RBFOX1: variants seen among roughly 807,000 people sequenced by gnomAD.
RBFOX1 encodes the protein RNA binding protein fox-1 homolog 1.
RBFOX1 carries 8 observed loss-of-function variants against 57.7 expected under a neutral mutation model. The observed-to-expected ratio is 0.14, with a 90% confidence interval of 0.08 to 0.25. The LOEUF is 0.25. Ranked by LOEUF, RBFOX1 falls within the 10% of genes least tolerant of loss-of-function variation. The pLI is 1.00. For synonymous variants in RBFOX1, 326 were observed against 222.4 expected, an observed-to-expected ratio of 1.47 and a Z score of -4.15; for missense variants, 611 against 548.5, an observed-to-expected ratio of 1.11 and a Z score of -1.14.
intron 3 of RBFOX1, among the ~76,000 whole-genome samples, chr16:6,731,647 C>T (rs537168530): frequency 6.6e-6 from 1 of 152,094 alleles, no homozygotes; most frequent in Non-Finnish European, 1.5e-5. Context: ...CCCCAGCTCC[C>T]TCACTCCATG....
chr16:5,865,691 C>A (rs560364405), intron 3 of RBFOX1, among the ~76,000 whole-genome samples: 1 of 152,148 alleles, frequency 6.6e-6, no homozygotes, highest in East Asian at 1.9e-4. Context: ...CATTTGTGAG[C>A]TGGTATTGGT....
chr16:5,479,028 C>T (rs1010776707), intron 2 of RBFOX1, among the ~76,000 whole-genome samples: 8 of 152,196 alleles, frequency 5.3e-5, no homozygotes, highest in Non-Finnish European at 8.8e-5. Flanking sequence ...AATTTCCTCA[C>T]AAATTATCTT....
chr16:5,430,755 T>C (rs1025938190), intron 1 of RBFOX1, among the ~76,000 whole-genome samples: 1 of 152,322 alleles, frequency 6.6e-6, no homozygotes. Flanking sequence ...ATTGTAGTAA[T>C]ATAAGTATTT....
At chr16:6,649,972 T>C (rs979223990) in intron 2 of RBFOX1, among the ~76,000 whole-genome samples, 1 of 152,194 alleles carries the variant, frequency 6.6e-6, no homozygotes, top group Non-Finnish European at 1.5e-5. Flanking sequence ...GCTATAAAAG[T>C]GGGGTATTCA....
intron 2 of RBFOX1, among the ~76,000 whole-genome samples, chr16:5,484,027 T>C (rs1396101402): frequency 6.6e-6 from 1 of 152,204 alleles, no homozygotes; most frequent in East Asian, 1.9e-4. Context: ...AATAAACAGC[T>C]GGGCATGGTG....
chr16:5,908,209 T>TATATATACATATATATGCAC (rs1567133880), intron 4 of RBFOX1, among the ~76,000 whole-genome samples: 16 of 139,738 alleles, frequency 1.1e-4, no homozygotes, highest in Admixed American at 6.6e-4. Flanking sequence ...TATACACACA[T>TATATATACATATATATGCAC]ATATATACAT....
chr16:6,802,228 A>G (rs567309220), intron 3 of RBFOX1, among the ~76,000 whole-genome samples: 1 of 152,164 alleles, frequency 6.6e-6, no homozygotes, highest in Admixed American at 6.5e-5. Context: ...AGCTTTTATT[A>G]TTTAACTTAA....
rs118073136 is a variant in RBFOX1, at chr16:6,922,344, G to A, written c.-15-129713G>A. 1.7e-3 allele frequency among the ~76,000 whole-genome samples: 260 copies of A among 152,184 alleles called. 5 individuals carry two copies. In the East Asian group the frequency reaches 0.044, roughly 26 times the overall value. ...GTGTCCGGTGGTAATGGCAAGTTTC[G>A]CATGCTGCAGCCCCTTGCAAGCCCA... On this transcript the variant is annotated intron_variant, in intron 3 of 15. Transcript: ENST00000550418.
Position 7,678,463 on chromosome 16 carries a change from A to G in RBFOX1, c.995+1625A>G, listed in dbSNP as rs372007475. Among the ~76,000 whole-genome samples, 6 of 152,286 alleles carry G rather than the reference A, an allele frequency of 3.9e-5. No homozygotes were observed. The South Asian group carries it at 6.2e-4, about 16-fold the overall frequency. On this transcript the variant is annotated intron_variant, in intron 14 of 15. Transcript: ENST00000550418. The stretch of plus-strand genomic sequence containing the variant: ...TAATGTGGTTCAGCTGCAACCCTTA[A>G]TTATTTTTTATGAAAATATCTCTAG...
At chr16:7,090,958 G>A (rs1204781980) in intron 4 of RBFOX1, among the ~76,000 whole-genome samples, 1 of 152,144 alleles carries the variant, frequency 6.6e-6, no homozygotes, top group Admixed American at 6.6e-5. Context: ...AGGTTCTTTG[G>A]AATACAATTG....
chr16:7,130,784 C>T (rs1045434260), intron 4 of RBFOX1, among the ~76,000 whole-genome samples: 1 of 152,106 alleles, frequency 6.6e-6, no homozygotes, highest in African/African-American at 2.4e-5. Context: ...CAACGCATTT[C>T]TTTTAAAAAA....
intron 4 of RBFOX1, among the ~76,000 whole-genome samples, chr16:7,221,968 C>T (rs929645922): frequency 3.9e-5 from 6 of 152,182 alleles, no homozygotes; most frequent in Admixed American, 1.3e-4. Context: ...TGGTCTGCTT[C>T]TGTGATAGAA....
chr16:5,977,045 C>T (rs933148460), intron 4 of RBFOX1, among the ~76,000 whole-genome samples: 4 of 152,038 alleles, frequency 2.6e-5, no homozygotes, highest in African/African-American at 9.7e-5. Context: ...AGATCACAGA[C>T]ACAGGGCATC....
At chr16:6,924,489 C>A (rs1597367858) in intron 3 of RBFOX1, among the ~76,000 whole-genome samples, 1 of 152,060 alleles carries the variant, frequency 6.6e-6, no homozygotes, top group African/African-American at 2.4e-5. Flanking sequence ...AAGCCACCCC[C>A]ATAACTCAAA....
chr16:7,483,653 C>T (rs1044531273), intron 4 of RBFOX1, among the ~76,000 whole-genome samples: 1 of 152,054 alleles, frequency 6.6e-6, no homozygotes, highest in Non-Finnish European at 1.5e-5. Context: ...GCTTATTTAT[C>T]TTATAGGTTG....
intron 1 of RBFOX1, among the ~76,000 whole-genome samples, chr16:6,100,807 G>T (rs1013855780): frequency 1.3e-5 from 2 of 152,140 alleles, no homozygotes; most frequent in Non-Finnish European, 2.9e-5. Context: ...TTTGAACCCT[G>T]GGTGGCCTGA....
At chr16:5,672,295 TA>T (rs1464251779) in intron 3 of RBFOX1, among the ~76,000 whole-genome samples, 8 of 152,172 alleles carry the variant, frequency 5.3e-5, no homozygotes, top group Non-Finnish European at 1.2e-4. Context: ...TACAGATCAA[TA>T]AACCTGCCCC....
chr16:7,664,915 G>C lies in RBFOX1; in HGVS notation c.891-14G>C, dbSNP rs549860516. 1.2e-6 allele frequency: 2 copies of C among 1,613,798 alleles called. No individual in the cohort carries two copies. The highest frequency in any genetic ancestry group is 1.7e-6 in the Non-Finnish European group (2 of 1,179,840). ...CTAATATGGATGTTTCTCTTTGTGTGTGCACCCTTGCAGTGTTGTTTACCA... is the reference window on the plus strand; with the variant it reads ...CTAATATGGATGTTTCTCTTTGTGTCTGCACCCTTGCAGTGTTGTTTACCA... On this transcript the variant is annotated splice_polypyrimidine_tract_variant and intron_variant, in intron 12 of 15. Coordinates refer to ENST00000550418, the MANE Select transcript of RBFOX1 (RefSeq NM_018723.4).
At position 7,267,216 on chromosome 16, in the gene RBFOX1, T is replaced by C. The variant is rs1026665928; in HGVS notation, c.27+215118T>C. On this transcript the variant is annotated intron_variant, in intron 4 of 15. Transcript: ENST00000550418. Reference sequence around the variant, plus strand: ...GTGTTTGAGACCAGCCTGGCCAACATGGCAAAACCCTGTCTCTACTAAAAA... The same window carrying C: ...GTGTTTGAGACCAGCCTGGCCAACACGGCAAAACCCTGTCTCTACTAAAAA... 2.0e-5 allele frequency among the ~76,000 whole-genome samples: 3 copies of C among 152,044 alleles called. No individual in the cohort carries two copies. In the East Asian group the frequency reaches 5.8e-4, roughly 29 times the overall value.
Sources: allele counts gnomAD v4.1 joint callset (sites outside exome capture counted in the v4.1 genomes callset), GRCh38; gene constraint gnomAD v4.1.1; transcripts MANE v1.5; gene names NCBI Gene and HGNC (gene_info 2026-07-23, HGNC 2026-07-21).